The following CCDC88A variants were observed in gnomAD, a reference collection of about 807,000 sequenced individuals.
CCDC88A encodes the protein coiled-coil and HOOK domain protein 88A.
A neutral mutation model predicts 234.3 loss-of-function variants in CCDC88A; 54 were observed. That is an observed-to-expected ratio of 0.23 (90% CI 0.19 to 0.29). The LOEUF is 0.29. Among genes scored for constraint, CCDC88A ranks in the 10% least tolerant of loss-of-function variants. CCDC88A has a pLI of 1.00. For missense variants in CCDC88A, 1,832 were observed against 2,123.4 expected, an observed-to-expected ratio of 0.86 and a Z score of 2.70; for synonymous variants, 753 against 737.8, an observed-to-expected ratio of 1.02 and a Z score of -0.33.
chr2:55,327,244 T>C lies in CCDC88A; in HGVS notation c.2997+1050A>G, dbSNP rs148073448. Among the ~76,000 whole-genome samples the C allele has an allele frequency of 1.9e-3, 282 of 152,292 alleles. 2 individuals carry two copies. Among genetic ancestry groups the C allele is most frequent in the Non-Finnish European group, 6.0e-4 (41 of 68,024 alleles). ...AAAAAACTGGAACATTCTATGTTAC[T>C]AGATAATATTGCTTATTGAAAAAAA... is the stretch of plus-strand genomic sequence containing the variant. On this transcript the variant is annotated intron_variant, in intron 17 of 32. Coordinates refer to ENST00000436346, the MANE Select transcript of CCDC88A (RefSeq NM_001365480.1).
chr2:55,315,291 G>A (rs1278943162), intron 22 of CCDC88A: 1 of 152,164 alleles, frequency 6.6e-6, no homozygotes, highest in African/African-American at 2.4e-5. Context: ...AAAACTACCA[G>A]GCACAGGAAC....
At position 55,301,949 on chromosome 2, in the gene CCDC88A, A is replaced by G. The variant is rs997127639; in HGVS notation, c.4595T>C (p.Phe1532Ser). 1 of 1,614,158 alleles carries G rather than the reference A, an allele frequency of 6.2e-7. No homozygotes were observed. Among genetic ancestry groups the G allele is most frequent in the East Asian group, 2.2e-5 (1 of 44,880 alleles). ...TGAAAAGTTGATGGCTGTAGTAGAG[A>G]AGGCCATAGCTCCCAATTCTTTTCT... Reference protein sequence around the residue: ...KRRKELGAMAFSTTAINFSTV... With the variant: ...KRRKELGAMASSTTAINFSTV... Residue 1532 changes from phenylalanine (F) to serine (S), a missense_variant, in exon 27 of 33, where the codon TTC becomes TCC. Physicochemically the swap from Phe to Ser is radical, Grantham distance 155. This residue lies in a region of CCDC88A where 422 missense variants were observed against 416.5 expected (regional missense o/e 1.01). Transcript: ENST00000436346.
At chr2:55,380,567 T>G (rs983729456) in intron 3 of CCDC88A, among the ~76,000 whole-genome samples, 1 of 152,204 alleles carries the variant, frequency 6.6e-6, no homozygotes, top group African/African-American at 2.4e-5. Context: ...TTAGCTGGCT[T>G]TGTATAACTT....
intron 6 of CCDC88A, among the ~76,000 whole-genome samples, chr2:55,362,674 AAAAAT>A (rs1671473280): frequency 6.6e-6 from 1 of 151,964 alleles, no homozygotes; most frequent in African/African-American, 2.4e-5. Flanking sequence ...TCTAGTCAAC[AAAAAT>A]AAAATATTAA....
intron 11 of CCDC88A, 43 bp from the exon 12 acceptor site, chr2:55,343,835 ACAG>A (rs769878835): frequency 1.3e-6 from 2 of 1,497,534 alleles, no homozygotes; most frequent in Non-Finnish European, 1.8e-6. Flanking sequence ...AAGCTAAGAA[ACAG>A]TACAATTTTG....
At chr2:55,337,049 C>T (rs1685529776) in intron 13 of CCDC88A, 1 of 334,378 alleles carries the variant, frequency 3.0e-6, no homozygotes, top group Non-Finnish European at 5.3e-6. Context: ...GTAAATTTCA[C>T]TTTCTAAACA....
chr2:55,322,926 T>C (rs1683812958), intron 17 of CCDC88A: 3 of 316,528 alleles, frequency 9.5e-6, no homozygotes, highest in Non-Finnish European at 1.7e-5. Flanking sequence ...TCCTATCGTT[T>C]GTCGTGCAAA....
intron 3 of CCDC88A, among the ~76,000 whole-genome samples, chr2:55,381,637 G>C (rs1043869870): frequency 6.6e-6 from 1 of 150,536 alleles, no homozygotes; most frequent in Non-Finnish European, 1.5e-5. Flanking sequence ...TGCTGCTAAT[G>C]CATTGTAAGA....
intron 2 of CCDC88A, 28 bp downstream of exon 2, chr2:55,418,788 G>A (rs568042615): frequency 6.4e-7 from 1 of 1,551,200 alleles, no homozygotes; most frequent in African/African-American, 1.4e-5. Context: ...CAAAGAAAAC[G>A]TTACCTAGGA....
chr2:55,311,270 C>A (rs1168681166), intron 23 of CCDC88A, among the ~76,000 whole-genome samples: 1 of 152,192 alleles, frequency 6.6e-6, no homozygotes, highest in Non-Finnish European at 1.5e-5. Context: ...AGTTGTCCAG[C>A]CACAAATGTG....
chr2:55,306,926 C>T (rs1434230792), intron 25 of CCDC88A, among the ~76,000 whole-genome samples: 1 of 152,154 alleles, frequency 6.6e-6, no homozygotes, highest in African/African-American at 2.4e-5. Flanking sequence ...TACTATGTTT[C>T]CAGAGATAAT....
At chr2:55,411,803 A>G (rs1005402900) in intron 2 of CCDC88A, among the ~76,000 whole-genome samples, 1 of 150,792 alleles carries the variant, frequency 6.6e-6, no homozygotes, top group Non-Finnish European at 1.5e-5. Context: ...AAAAAAAAAA[A>G]CTCAACATAT....
intron 7 of CCDC88A, among the ~76,000 whole-genome samples, chr2:55,357,631 G>A (rs1670767826): frequency 6.6e-6 from 1 of 151,942 alleles, no homozygotes; most frequent in Non-Finnish European, 1.5e-5. Flanking sequence ...GAATGGGTGG[G>A]GTTTACCACC....
intron 5 of CCDC88A, among the ~76,000 whole-genome samples, chr2:55,368,512 TAG>T (rs1447410648): frequency 6.6e-6 from 1 of 151,882 alleles, no homozygotes; most frequent in East Asian, 1.9e-4. Context: ...TTTGTATAAA[TAG>T]AGTTTCCTTA....
chr2:55,322,885 A>G (rs17046881), intron 17 of CCDC88A, 193 bp from the exon 18 acceptor site: 13,919 of 387,710 alleles, frequency 0.036, 1,405 homozygotes, highest in African/African-American at 0.23. Context: ...AACATACTCT[A>G]CTTATGTGCC....
At chr2:55,417,565 T>C (rs1681696939) in intron 2 of CCDC88A, 2 of 151,906 alleles carry the variant, frequency 1.3e-5, no homozygotes, top group African/African-American at 4.8e-5. Context: ...AGGAAAAAAA[T>C]AAATATATAC....
chr2:55,415,263 T>C (rs556422273), intron 2 of CCDC88A, among the ~76,000 whole-genome samples: 7 of 152,146 alleles, frequency 4.6e-5, no homozygotes, highest in East Asian at 3.9e-4. Context: ...CATAATGCAC[T>C]ATGATCACAT....
At position 55,303,133 on chromosome 2, in the gene CCDC88A, C is replaced by T. The variant is rs1317358045; in HGVS notation, c.4407G>A (p.Leu1469=). 1.3e-6 allele frequency: 2 copies of T among 1,550,344 alleles called. No homozygotes were observed. Among genetic ancestry groups the T allele is most frequent in the Non-Finnish European group, 1.7e-6 (2 of 1,145,650 alleles). The change falls in exon 26 of 33, where the codon CTG becomes CTA. Residue 1469 remains leucine, a synonymous_variant. Coordinates refer to ENST00000436346, the MANE Select transcript of CCDC88A (RefSeq NM_001365480.1). ...KKSSMVALKR[L]PFLRNRPKDK... is the part of the protein sequence containing the mutation. ...CCTTCGGTCTGTTCCTCAAAAAGGG[C>T]AGTCTTTTCAGTGCAACCACTTTAA...
intron 8 of CCDC88A, 158 bp from the exon 9 acceptor site, chr2:55,349,757 G>T: frequency 5.9e-6 from 3 of 510,404 alleles, no homozygotes; most frequent in East Asian, 3.3e-5. Flanking sequence ...ATAGATATTA[G>T]GAATTTATAT....
Sources: allele counts gnomAD v4.1 joint callset (sites outside exome capture counted in the v4.1 genomes callset), GRCh38; gene constraint gnomAD v4.1.1; regional missense constraint gnomAD v4.1.1; transcripts MANE v1.5; gene names NCBI Gene and HGNC (gene_info 2026-07-23, HGNC 2026-07-21).